Variants in PRR16 observed in about 807,000 individuals in gnomAD.
PRR16 encodes proline rich 16, also known as protein Largen.
PRR16 carries 6 observed loss-of-function variants against 18.2 expected under a neutral mutation model. The ratio of observed to expected loss-of-function variants is 0.33; its 90% CI spans 0.18 to 0.65. The LOEUF (loss-of-function observed/expected upper bound fraction) is 0.65. Among genes scored for constraint, PRR16 ranks in the 30% least tolerant of loss-of-function variants. The pLI is 0.74. For missense variants in PRR16, 412 were observed against 376.6 expected (o/e 1.09, Z -0.78); for synonymous variants, 151 against 147.8 (o/e 1.02, Z -0.16).
At chr5:120,533,398 T>C (rs560423139) in intron 1 of PRR16, among the ~76,000 whole-genome samples, 1 of 152,202 alleles carries the variant, frequency 6.6e-6, no homozygotes, top group Non-Finnish European at 1.5e-5. Context: ...ATAACCATAA[T>C]AAATCTGTAA....
In PRR16 at chr5:120,644,701, A is replaced by G. The variant is rs1312972028; in HGVS notation, c.160-41253A>G. Among the ~76,000 whole-genome samples the G allele has an allele frequency of 2.0e-5, 3 of 152,130 alleles. No homozygotes were observed. In the East Asian group the frequency reaches 5.8e-4, roughly 29 times the overall value. ...ATGCATAGTCATGATTCTTCATTTGACATGGCATTTGGAAAGGCATTTGAG... is the reference window on the plus strand; with the variant it reads ...ATGCATAGTCATGATTCTTCATTTGGCATGGCATTTGGAAAGGCATTTGAG... On this transcript the variant is annotated intron_variant, in intron 1 of 1. Transcript: ENST00000407149.
At chr5:120,509,206 C>CTTTA (rs1750744171) in intron 1 of PRR16, among the ~76,000 whole-genome samples, 1 of 152,022 alleles carries the variant, frequency 6.6e-6, no homozygotes, top group South Asian at 2.1e-4. Context: ...CTTGTAAATA[C>CTTTA]TTTAGCTCAC....
intron 1 of PRR16, among the ~76,000 whole-genome samples, chr5:120,671,516 A>G (rs920207516): frequency 2.6e-5 from 4 of 152,184 alleles, no homozygotes; most frequent in Admixed American, 6.5e-5. Context: ...AGGAGAGGAT[A>G]GAGTTTTCTG....
chr5:120,730,139 TGATA>T, the PRR16 span, among the ~76,000 whole-genome samples: 3 of 152,296 alleles, frequency 2.0e-5, no homozygotes, highest in Admixed American at 6.5e-5. Flanking sequence ...TACTACTTTA[TGATA>T]GATAGAAAAA....
chr5:120,541,649 A>C (rs937779042), intron 1 of PRR16, among the ~76,000 whole-genome samples: 17 of 152,218 alleles, frequency 1.1e-4, no homozygotes, highest in African/African-American at 3.9e-4. Flanking sequence ...GGCATTTAAA[A>C]ATATATCTGT....
intron 1 of PRR16, among the ~76,000 whole-genome samples, chr5:120,469,471 C>A (rs189873989): frequency 6.6e-6 from 1 of 151,678 alleles, no homozygotes; most frequent in Non-Finnish European, 1.5e-5. Context: ...TAGAGGCATG[C>A]GCCGCCATGC....
chr5:120,787,962 TACTC>T, the PRR16 span, among the ~76,000 whole-genome samples: 79 of 151,954 alleles, frequency 5.2e-4, no homozygotes, highest in Admixed American at 9.8e-4. Flanking sequence ...TTAAAGGTCT[TACTC>T]TCTCTCTTGC....
At chr5:120,605,388 C>G (rs1754121793) in intron 1 of PRR16, among the ~76,000 whole-genome samples, 1 of 152,078 alleles carries the variant, frequency 6.6e-6, no homozygotes, top group African/African-American at 2.4e-5. Context: ...CAGTTTGGTT[C>G]TTTCTTAAAA....
At chr5:120,729,503 G>A in the PRR16 span, among the ~76,000 whole-genome samples, 8 of 152,200 alleles carry the variant, frequency 5.3e-5, no homozygotes, top group Admixed American at 2.0e-4. Flanking sequence ...CCAACATGGC[G>A]CTAATAAATG....
the PRR16 span, among the ~76,000 whole-genome samples, chr5:120,787,863 A>T: frequency 6.6e-6 from 1 of 152,032 alleles, no homozygotes; most frequent in Non-Finnish European, 1.5e-5. Context: ...ATAAATATCT[A>T]CTTTTACATA....
the PRR16 span, among the ~76,000 whole-genome samples, chr5:120,731,546 G>T: frequency 1.3e-3 from 198 of 152,182 alleles, 1 homozygote; most frequent in African/African-American, 4.6e-3. Flanking sequence ...ACAGATGAAG[G>T]CTTGTTTCCA....
chr5:120,686,940 T>C lies in PRR16; in HGVS notation c.*231T>C, dbSNP rs754496634. ...TCAGAATGATGAAAAATATGAATGA[T>C]GCATTGTTTTTGCAATTGACCTATG... On this transcript the variant is annotated 3_prime_UTR_variant, in exon 2 of 2. Transcript: ENST00000407149. The C allele has an allele frequency of 3.8e-5, 13 of 344,576 alleles. No homozygotes were observed. The highest frequency in any genetic ancestry group is 1.8e-4 in the Admixed American group (4 of 22,260). 21.3% of individuals were successfully genotyped at this position (344,576 alleles called of 1,614,324 possible).
chr5:120,491,887 C>G (rs1750064511), intron 1 of PRR16, among the ~76,000 whole-genome samples: 1 of 152,046 alleles, frequency 6.6e-6, no homozygotes, highest in African/African-American at 2.4e-5. Flanking sequence ...TTTTTTAAAA[C>G]TATCTCCTAT....
chr5:120,758,391 G>A, the PRR16 span, among the ~76,000 whole-genome samples: 4 of 151,996 alleles, frequency 2.6e-5, no homozygotes. Flanking sequence ...TTTTATATAT[G>A]ATCTCTTCAA....
chr5:120,702,220 A>G, the PRR16 span, among the ~76,000 whole-genome samples: 1 of 150,556 alleles, frequency 6.6e-6, no homozygotes, highest in Non-Finnish European at 1.5e-5. Context: ...GGGCTCAGAA[A>G]TAAGGGGTCG....
intron 1 of PRR16, among the ~76,000 whole-genome samples, chr5:120,635,877 C>G (rs1755211603): frequency 1.3e-5 from 2 of 152,182 alleles, no homozygotes; most frequent in South Asian, 4.1e-4. Context: ...ACACTAAAGA[C>G]TCATCCAAAA....
At chr5:120,618,426 T>C in intron 1 of PRR16, 16 of 934,966 alleles carry the variant, frequency 1.7e-5, no homozygotes, top group Non-Finnish European at 2.0e-5. Context: ...ATAGTAATTA[T>C]ACTGTTTTTT....
intron 1 of PRR16, among the ~76,000 whole-genome samples, chr5:120,586,501 G>C (rs553117465): frequency 6.6e-6 from 1 of 151,632 alleles, no homozygotes; most frequent in Non-Finnish European, 1.5e-5. Context: ...TTCTAACAGC[G>C]TGTGCTTACT....
At chr5:120,768,323 T>C in the PRR16 span, among the ~76,000 whole-genome samples, 13 of 151,990 alleles carry the variant, frequency 8.6e-5, no homozygotes, top group African/African-American at 1.7e-4. Flanking sequence ...TTGTAATTTA[T>C]TCGTTATTTT....
Sources: gnomAD v4.1 joint callset for allele counts (sites outside exome capture counted in the v4.1 genomes callset) on GRCh38, gnomAD v4.1.1 for gene constraint, MANE v1.5 for transcripts, NCBI Gene and HGNC (gene_info 2026-07-23, HGNC 2026-07-21) for gene names.